Variants in HCN1 observed in about 807,000 individuals in gnomAD.
HCN1 encodes the protein hyperpolarization activated cyclic nucleotide gated potassium channel 1.
HCN1 carries 13 observed loss-of-function variants against 78.9 expected under a neutral mutation model. The ratio of observed to expected loss-of-function variants is 0.16; its 90% confidence interval spans 0.11 to 0.26. The LOEUF (loss-of-function observed/expected upper bound fraction) is 0.26. HCN1 is among the 10% of genes least tolerant of loss of function. HCN1 has a pLI of 1.00. For missense variants in HCN1, 810 were observed against 1,154.3 expected (o/e 0.70, Z 4.32); for synonymous variants, 552 against 455.5 (o/e 1.21, Z -2.70).
chr5:45,416,691 A>G (rs2112062239), intron 3 of HCN1, among the ~76,000 whole-genome samples: 1 of 152,078 alleles, frequency 6.6e-6, no homozygotes, highest in South Asian at 2.1e-4. Flanking sequence ...TATATTAGAA[A>G]TGAAAGCAGA....
chr5:45,335,064 T>C (rs1746425416), intron 5 of HCN1, among the ~76,000 whole-genome samples: 1 of 152,018 alleles, frequency 6.6e-6, no homozygotes, highest in Non-Finnish European at 1.5e-5. Flanking sequence ...AAATGAAATA[T>C]ACTGACATTC....
chr5:45,511,365 C>T (rs188859519), intron 2 of HCN1, among the ~76,000 whole-genome samples: 116 of 152,034 alleles, frequency 7.6e-4, no homozygotes, highest in Middle Eastern at 3.4e-3. Context: ...ATTAAGTGTA[C>T]GCTGCATGTA....
chr5:45,335,984 T>C (rs920637099), intron 5 of HCN1, among the ~76,000 whole-genome samples: 1 of 152,074 alleles, frequency 6.6e-6, no homozygotes, highest in African/African-American at 2.4e-5. Context: ...ATGTGTTATA[T>C]AGCTGAAAAA....
At chr5:45,272,429 C>A (rs1744977580) in intron 6 of HCN1, among the ~76,000 whole-genome samples, 1 of 151,868 alleles carries the variant, frequency 6.6e-6, no homozygotes, top group African/African-American at 2.4e-5. Flanking sequence ...ATGGCTTTAT[C>A]AACCTAGCTG....
intron 4 of HCN1, among the ~76,000 whole-genome samples, chr5:45,374,059 A>G (rs184086599): frequency 0.019 from 1,725 of 92,914 alleles, 17 homozygotes; most frequent in Non-Finnish European, 0.027. Flanking sequence ...TATATATTAT[A>G]TATATAATAT....
intron 2 of HCN1, among the ~76,000 whole-genome samples, chr5:45,541,343 T>C (rs1478177619): frequency 1.3e-5 from 2 of 152,182 alleles, no homozygotes; most frequent in East Asian, 1.9e-4. Context: ...GAACATGACT[T>C]GCCATGCGCT....
rs548957768 is a variant in HCN1, at chr5:45,566,804, C to T, written c.849+78381G>A. ...GGTTCCTCCCTATGAGGAAAATGCCCAAGCAAGAACTCTCATATGGTTTCT... is the reference window on the plus strand; with the variant it reads ...GGTTCCTCCCTATGAGGAAAATGCCTAAGCAAGAACTCTCATATGGTTTCT... On this transcript the variant is annotated intron_variant, in intron 2 of 7. Transcript: ENST00000303230. 3.3e-5 allele frequency among the ~76,000 whole-genome samples: 5 copies of T among 152,264 alleles called. No individual in the cohort carries two copies. The South Asian group carries it at 1.0e-3, about 32-fold the overall frequency.
intron 2 of HCN1, among the ~76,000 whole-genome samples, chr5:45,510,305 A>G (rs1186941926): frequency 6.6e-6 from 1 of 152,118 alleles, no homozygotes; most frequent in African/African-American, 2.4e-5. Context: ...GAAGTGAAGA[A>G]CATTTTTTTC....
At chr5:45,496,886 G>A (rs986650205) in intron 2 of HCN1, among the ~76,000 whole-genome samples, 10 of 152,148 alleles carry the variant, frequency 6.6e-5, no homozygotes, top group Non-Finnish European at 1.5e-4. Flanking sequence ...GTGTCCCAGA[G>A]ATTCTGGTAT....
chr5:45,501,609 T>A (rs1742188947), intron 2 of HCN1, among the ~76,000 whole-genome samples: 1 of 152,008 alleles, frequency 6.6e-6, no homozygotes, highest in Non-Finnish European at 1.5e-5. Context: ...CCCGGTTAAT[T>A]TTTGTACTTT....
At chr5:45,296,588 C>T (rs1745499294) in intron 6 of HCN1, among the ~76,000 whole-genome samples, 1 of 151,558 alleles carries the variant, frequency 6.6e-6, no homozygotes, top group African/African-American at 2.4e-5. Context: ...AATTTAAGCT[C>T]AAAGCACAAC....
chr5:45,628,746 C>T (rs760886048), intron 2 of HCN1, among the ~76,000 whole-genome samples: 17 of 151,910 alleles, frequency 1.1e-4, no homozygotes, highest in Non-Finnish European at 2.4e-4. Flanking sequence ...GAAGCCAAGG[C>T]GGTGGGTCAC....
intron 5 of HCN1, among the ~76,000 whole-genome samples, chr5:45,340,695 G>C (rs1230123609): frequency 6.6e-6 from 1 of 152,076 alleles, no homozygotes; most frequent in African/African-American, 2.4e-5. Context: ...AAAGCTTATG[G>C]AAGGTGCATA....
intron 2 of HCN1, among the ~76,000 whole-genome samples, chr5:45,576,870 ACC>A (rs1445427517): frequency 4.5e-4 from 69 of 152,012 alleles, no homozygotes. Flanking sequence ...CCATCAGCCC[ACC>A]TTTCAAATTT....
Position 45,567,558 on chromosome 5 carries a change from T to TACAC in HCN1, c.849+77623_849+77626dup, listed in dbSNP as rs36230541. On this transcript the variant is annotated intron_variant, in intron 2 of 7. Coordinates refer to ENST00000303230, the MANE Select transcript of HCN1 (RefSeq NM_021072.4). ...GTGAAAAGGAGAGGGCATTTTAGGC[T>TACAC]ACACACACACACACACACACACACA... 1.1e-3 allele frequency among the ~76,000 whole-genome samples: 140 copies of TACAC among 133,024 alleles called. 1 individual carries two copies. The highest frequency in any genetic ancestry group is 2.5e-3 in the African/African-American group (88 of 35,680). 87.3% of individuals were successfully genotyped at this position (133,024 alleles called of 152,430 possible). A position where few individuals can be genotyped will look rare whatever the true frequency, so the allele number is the denominator to read the frequency against.
intron 6 of HCN1, among the ~76,000 whole-genome samples, chr5:45,282,274 T>C (rs1256067507): frequency 6.6e-6 from 1 of 152,196 alleles, no homozygotes; most frequent in Non-Finnish European, 1.5e-5. Context: ...TTAAAAATTG[T>C]TTTCCCAATA....
intron 1 of HCN1, among the ~76,000 whole-genome samples, chr5:45,657,646 T>C (rs1486184464): frequency 1.3e-5 from 2 of 152,154 alleles, no homozygotes; most frequent in African/African-American, 2.4e-5. Context: ...TACAATTGCT[T>C]CAAAGAGAAT....
chr5:45,537,217 G>A (rs369572874), intron 2 of HCN1, among the ~76,000 whole-genome samples: 2 of 152,184 alleles, frequency 1.3e-5, no homozygotes, highest in East Asian at 3.9e-4. Context: ...GTCTTTTCCA[G>A]TAAATCTTAT....
chr5:45,288,544 A>G (rs918407140), intron 6 of HCN1, among the ~76,000 whole-genome samples: 5 of 152,036 alleles, frequency 3.3e-5, no homozygotes, highest in African/African-American at 7.2e-5. Flanking sequence ...GTTAGGTCCT[A>G]TCTACGGAAA....
Sources: gnomAD v4.1 joint callset for allele counts (sites outside exome capture counted in the v4.1 genomes callset) on GRCh38, gnomAD v4.1.1 for gene constraint, MANE v1.5 for transcripts, NCBI Gene and HGNC (gene_info 2026-07-23, HGNC 2026-07-21) for gene names.